The following NRXN3 variants were observed in gnomAD, a reference collection of about 807,000 sequenced individuals.
The protein encoded by NRXN3 is neurexin 3, also known as neurexin III.
NRXN3 carries 32 observed loss-of-function variants against 137.6 expected under a neutral mutation model. That is an observed-to-expected ratio of 0.23 (90% CI 0.18 to 0.31). The LOEUF is 0.31. NRXN3 is among the 10% of genes least tolerant of loss of function. The pLI is 1.00. For synonymous variants in NRXN3, 798 were observed against 784.5 expected, an observed-to-expected ratio of 1.02 and a Z score of -0.29; for missense variants, 1,574 against 2,062.5, an observed-to-expected ratio of 0.76 and a Z score of 4.59.
chr14:79,820,926 T>C (rs1384031411), intron 20 of NRXN3, among the ~76,000 whole-genome samples: 1 of 152,078 alleles, frequency 6.6e-6, no homozygotes, highest in Non-Finnish European at 1.5e-5. Context: ...AGTGATAACA[T>C]TATGAGCTTT....
At chr14:78,836,604 C>G (rs1255967316) in intron 10 of NRXN3, among the ~76,000 whole-genome samples, 1 of 152,092 alleles carries the variant, frequency 6.6e-6, no homozygotes, top group African/African-American at 2.4e-5. Flanking sequence ...TAACATGGTG[C>G]TCTAATTTGG....
chr14:78,790,592 G>T (rs1290953189), intron 8 of NRXN3, among the ~76,000 whole-genome samples: 1 of 152,174 alleles, frequency 6.6e-6, no homozygotes, highest in Non-Finnish European at 1.5e-5. Context: ...TTGGGTGGAG[G>T]GAAAGCAATC....
intron 20 of NRXN3, among the ~76,000 whole-genome samples, chr14:79,855,997 T>C (rs2099401734): frequency 6.6e-6 from 1 of 152,182 alleles, no homozygotes; most frequent in South Asian, 2.1e-4. Context: ...AACACTCCAC[T>C]TGACATTTCC....
At chr14:79,363,166 A>G (rs912688155) in intron 15 of NRXN3, among the ~76,000 whole-genome samples, 5 of 151,984 alleles carry the variant, frequency 3.3e-5, no homozygotes, top group African/African-American at 1.2e-4. Flanking sequence ...GCACCTGGCT[A>G]ATTTTGTATT....
At chr14:78,824,968 A>G (rs1359129784) in intron 10 of NRXN3, among the ~76,000 whole-genome samples, 2 of 152,264 alleles carry the variant, frequency 1.3e-5, no homozygotes, top group East Asian at 1.9e-4. Context: ...AATTAAAAAT[A>G]TAAAAGTAAA....
intron 20 of NRXN3, among the ~76,000 whole-genome samples, chr14:79,846,320 A>G (rs550238485): frequency 6.6e-6 from 1 of 152,234 alleles, no homozygotes; most frequent in African/African-American, 2.4e-5. Flanking sequence ...AATGCTGAAC[A>G]AAAATGTCCC....
intron 15 of NRXN3, among the ~76,000 whole-genome samples, chr14:79,326,079 T>C (rs552871025): frequency 2.1e-4 from 32 of 152,310 alleles, no homozygotes; most frequent in South Asian, 1.0e-3. Flanking sequence ...TCTATTTGCA[T>C]TGATATTTAC....
At chr14:79,780,680 T>C (rs1482344730) in intron 19 of NRXN3, among the ~76,000 whole-genome samples, 1 of 152,178 alleles carries the variant, frequency 6.6e-6, no homozygotes, top group Non-Finnish European at 1.5e-5. Flanking sequence ...TTAGAATACT[T>C]AAAAGATGAA....
intron 16 of NRXN3, among the ~76,000 whole-genome samples, chr14:79,533,320 A>G (rs1372390811): frequency 6.6e-6 from 1 of 152,120 alleles, no homozygotes; most frequent in Admixed American, 6.6e-5. Flanking sequence ...GTCTCCTTTT[A>G]ATAGGATGAA....
In NRXN3 at chr14:79,126,993, A is replaced by G. The variant is rs1958821286; in HGVS notation, c.3262+138852A>G. 2.6e-5 allele frequency among the ~76,000 whole-genome samples: 4 copies of G among 152,022 alleles called. No individual in the cohort carries two copies. The South Asian group carries it at 8.3e-4, about 32-fold the overall frequency. ...GTCTTCTTTTGAGAAGTGTCTGTTC[A>G]TGTCCTTTGCCCACTTTTTGATGGG... is the stretch of plus-strand genomic sequence containing the variant. On this transcript the variant is annotated intron_variant, in intron 15 of 20. Coordinates refer to ENST00000335750, the MANE Select transcript of NRXN3 (RefSeq NM_001330195.2).
At chr14:79,145,788 A>C (rs775096073) in intron 15 of NRXN3, among the ~76,000 whole-genome samples, 1 of 152,212 alleles carries the variant, frequency 6.6e-6, no homozygotes, top group Admixed American at 6.5e-5. Context: ...ATAAGTAAGC[A>C]TGAGTATCAT....
chr14:78,268,742 G>A lies in NRXN3; in HGVS notation c.710-9903G>A, dbSNP rs577089608. 5.6e-4 allele frequency among the ~76,000 whole-genome samples: 85 copies of A among 152,256 alleles called. No individual in the cohort carries two copies. In the South Asian group the frequency reaches 0.017, roughly 31 times the overall value. On this transcript the variant is annotated intron_variant, in intron 2 of 20. Coordinates refer to ENST00000335750, the MANE Select transcript of NRXN3 (RefSeq NM_001330195.2). ...TTAGTTTCCTTGTCTGTTAAGTGGG[G>A]TAACAACAGTATCTACATCAGTAGG...
chr14:79,230,965 C>G (rs549585669), intron 15 of NRXN3, among the ~76,000 whole-genome samples: 1 of 152,246 alleles, frequency 6.6e-6, no homozygotes, highest in East Asian at 1.9e-4. Flanking sequence ...CTATTATGAA[C>G]CACTGTAGCA....
At chr14:78,750,650 A>G (rs1047441373) in intron 8 of NRXN3, among the ~76,000 whole-genome samples, 1 of 152,166 alleles carries the variant, frequency 6.6e-6, no homozygotes, top group African/African-American at 2.4e-5. Flanking sequence ...AATGAACAAC[A>G]TGGGCCCCAG....
At position 79,123,286 on chromosome 14, in the gene NRXN3, C is replaced by A. The variant is rs575241912; in HGVS notation, c.3262+135145C>A. On this transcript the variant is annotated intron_variant, in intron 15 of 20. Coordinates refer to ENST00000335750, the MANE Select transcript of NRXN3 (RefSeq NM_001330195.2). ...AAGCCTGGGAAGGAAGAGCCCCCCA[C>A]TCTGTCCATTATTCAACTCAATGTT... Among the ~76,000 whole-genome samples the A allele has an allele frequency of 2.0e-5, 3 of 152,226 alleles. No homozygotes were observed. In the East Asian group the frequency reaches 5.8e-4, roughly 30 times the overall value.
chr14:79,380,703 G>T (rs183044839), intron 15 of NRXN3, among the ~76,000 whole-genome samples: 45 of 152,276 alleles, frequency 3.0e-4, no homozygotes, highest in Admixed American at 2.8e-3. Flanking sequence ...AATCCTTTGG[G>T]TATATACCCA....
intron 4 of NRXN3, among the ~76,000 whole-genome samples, chr14:78,538,957 A>T (rs1268005650): frequency 6.6e-6 from 1 of 152,214 alleles, no homozygotes; most frequent in African/African-American, 2.4e-5. Context: ...CATCCCAGGG[A>T]TGAAGCTGAC....
chr14:79,567,753 A>G (rs2097563676), intron 16 of NRXN3, among the ~76,000 whole-genome samples: 1 of 152,080 alleles, frequency 6.6e-6, no homozygotes, highest in African/African-American at 2.4e-5. Context: ...AAAGTTTTAG[A>G]TATTTTTTAA....
At chr14:79,479,161 T>A (rs1398118881) in intron 16 of NRXN3, among the ~76,000 whole-genome samples, 1 of 152,158 alleles carries the variant, frequency 6.6e-6, no homozygotes, top group Non-Finnish European at 1.5e-5. Flanking sequence ...AAGGTAGTAC[T>A]TAGGTTACTA....
Sources: allele counts gnomAD v4.1 joint callset (sites outside exome capture counted in the v4.1 genomes callset), GRCh38; gene constraint gnomAD v4.1.1; transcripts MANE v1.5; gene names NCBI Gene and HGNC (gene_info 2026-07-23, HGNC 2026-07-21).